Variants in FHL2 observed in about 807,000 individuals in gnomAD.
FHL2 encodes four and a half LIM domains protein 2.
A neutral mutation model predicts 32.7 loss-of-function variants in FHL2; 20 were observed. The observed-to-expected ratio is 0.61, with a 90% confidence interval of 0.43 to 0.89. The LOEUF (loss-of-function observed/expected upper bound fraction) is 0.89, where lower values mean the gene tolerates loss of function less well. Ranked by LOEUF, FHL2 falls within the 40% of genes least tolerant of loss-of-function variation. The probability of loss-of-function intolerance (pLI) is 0.00; values close to 1 mark genes in which losing one functional copy is unlikely to be tolerated. For synonymous variants in FHL2, 123 were observed against 128.1 expected (o/e 0.96, Z 0.27); for missense variants, 311 against 358.6 (o/e 0.87, Z 1.07).
chr2:105,435,643 G>A (rs558567590), intron 1 of FHL2, among the ~76,000 whole-genome samples: 87 of 152,104 alleles, frequency 5.7e-4, no homozygotes, highest in African/African-American at 1.9e-3. Context: ...CCAACATGAC[G>A]AAACACTGTC....
chr2:105,393,571 C>T (rs1253341257), intron 2 of FHL2, among the ~76,000 whole-genome samples: 2 of 152,208 alleles, frequency 1.3e-5, no homozygotes, highest in African/African-American at 4.8e-5. Context: ...TGCCCACTAC[C>T]TGTCGCTGAG....
chr2:105,425,077 G>A (rs1409327619), intron 1 of FHL2, among the ~76,000 whole-genome samples: 3 of 151,886 alleles, frequency 2.0e-5, no homozygotes, highest in Admixed American at 2.0e-4. Flanking sequence ...TGTAGAAAGG[G>A]AAGACATAAG....
chr2:105,407,710 G>A (rs1683679382), intron 1 of FHL2, among the ~76,000 whole-genome samples: 1 of 152,182 alleles, frequency 6.6e-6, no homozygotes, highest in African/African-American at 2.4e-5. Flanking sequence ...AAGTGTGCAT[G>A]TGGACGTTCT....
chr2:105,398,157 T>C (rs901590260), intron 1 of FHL2, among the ~76,000 whole-genome samples: 1 of 152,230 alleles, frequency 6.6e-6, no homozygotes, highest in Non-Finnish European at 1.5e-5. Flanking sequence ...CGGATTAGCC[T>C]ACTTCCAGTT....
At chr2:105,412,451 T>C (rs1010383795) in intron 1 of FHL2, among the ~76,000 whole-genome samples, 3 of 152,118 alleles carry the variant, frequency 2.0e-5, no homozygotes, top group Admixed American at 6.5e-5. Context: ...CAGAAGCAGT[T>C]TGGGGACAGC....
At chr2:105,411,944 G>A (rs574498894) in intron 1 of FHL2, among the ~76,000 whole-genome samples, 2 of 152,252 alleles carry the variant, frequency 1.3e-5, no homozygotes, top group African/African-American at 4.8e-5. Flanking sequence ...ATGCCACCAA[G>A]ATGAATAAAT....
intron 3 of FHL2, chr2:105,378,070 G>A (rs1424023865): frequency 4.2e-6 from 2 of 471,114 alleles, no homozygotes; most frequent in African/African-American, 4.0e-5. Flanking sequence ...CACAGCCAGT[G>A]CTCCGGTCAT....
intron 3 of FHL2, among the ~76,000 whole-genome samples, chr2:105,380,163 A>G (rs1367538062): frequency 1.3e-5 from 2 of 152,230 alleles, no homozygotes; most frequent in East Asian, 3.8e-4. Context: ...GATCTTGGCC[A>G]ACATGGTATT....
In FHL2 at chr2:105,385,489, A is replaced by G. The variant is rs115856997; in HGVS notation, c.156+872T>C. ...AAAGCAACGAGAGCAGAAAAGAGAT[A>G]GTAAAATGCCATGAACTGACTTGGT... is the stretch of plus-strand genomic sequence containing the variant. On this transcript the variant is annotated intron_variant, in intron 3 of 6. Coordinates refer to ENST00000530340, the MANE Select transcript of FHL2 (RefSeq NM_001318895.3). 2.3e-3 allele frequency among the ~76,000 whole-genome samples: 350 copies of G among 152,384 alleles called. 3 individuals are homozygous for G. The highest frequency in any genetic ancestry group is 8.2e-3 in the African/African-American group (340 of 41,594).
rs1681011547 is a variant in FHL2, at chr2:105,370,810, C to T, written c.331+2749G>A. Among the ~76,000 whole-genome samples the T allele has an allele frequency of 2.0e-5, 3 of 152,276 alleles. No individual in the cohort carries two copies. The South Asian group carries it at 6.2e-4, about 32-fold the overall frequency. On this transcript the variant is annotated intron_variant, in intron 4 of 6. Coordinates refer to ENST00000530340, the MANE Select transcript of FHL2 (RefSeq NM_001318895.3). ...GCCTTTGGTGCCCAGTCCGTTTCTTCTGGCAGAGGCACCTGTAAAATGGGG... is the reference window on the plus strand; with the variant it reads ...GCCTTTGGTGCCCAGTCCGTTTCTTTTGGCAGAGGCACCTGTAAAATGGGG...
intron 2 of FHL2, among the ~76,000 whole-genome samples, chr2:105,393,444 T>C (rs1421685669): frequency 1.3e-5 from 2 of 152,192 alleles, no homozygotes; most frequent in African/African-American, 2.4e-5. Flanking sequence ...AACCAGAGCT[T>C]TCCAGAGACA....
intron 2 of FHL2, among the ~76,000 whole-genome samples, chr2:105,389,520 G>A (rs7557817): frequency 6.6e-6 from 1 of 152,042 alleles, no homozygotes; most frequent in Non-Finnish European, 1.5e-5. Context: ...AAATAAGAAC[G>A]ATGAAAGGAC....
At chr2:105,392,974 C>T (rs985280150) in intron 2 of FHL2, among the ~76,000 whole-genome samples, 4 of 150,904 alleles carry the variant, frequency 2.7e-5, no homozygotes, top group South Asian at 2.1e-4. Context: ...CGTGCATCAC[C>T]GCACCCAGCT....
chr2:105,426,096 G>T (rs1190176857), intron 1 of FHL2, among the ~76,000 whole-genome samples: 1 of 151,788 alleles, frequency 6.6e-6, no homozygotes, highest in Non-Finnish European at 1.5e-5. Flanking sequence ...TTCCTCTTCG[G>T]CAATGTAATG....
chr2:105,413,011 C>A (rs1683841600), intron 1 of FHL2, among the ~76,000 whole-genome samples: 1 of 152,082 alleles, frequency 6.6e-6, no homozygotes, highest in Non-Finnish European at 1.5e-5. Flanking sequence ...CCAGAGAGGG[C>A]AAATAATGTA....
At chr2:105,409,880 C>T (rs766653178) in intron 1 of FHL2, among the ~76,000 whole-genome samples, 71 of 152,302 alleles carry the variant, frequency 4.7e-4, no homozygotes, top group Admixed American at 1.2e-3. Flanking sequence ...CTAGCATCTC[C>T]GCCAGGAGAG....
At chr2:105,364,965 G>C (rs565479335) in intron 5 of FHL2, among the ~76,000 whole-genome samples, 1 of 152,268 alleles carries the variant, frequency 6.6e-6, no homozygotes, top group Admixed American at 6.5e-5. Flanking sequence ...CTGCACAAGA[G>C]AATGAACACC....
intron 1 of FHL2, among the ~76,000 whole-genome samples, chr2:105,417,917 C>A (rs1368523426): frequency 6.6e-6 from 1 of 152,002 alleles, no homozygotes; most frequent in Non-Finnish European, 1.5e-5. Flanking sequence ...AGTCTTCCCA[C>A]CACAACTTTT....
At chr2:105,387,298 T>A (rs1682395866) in intron 2 of FHL2, among the ~76,000 whole-genome samples, 1 of 152,034 alleles carries the variant, frequency 6.6e-6, no homozygotes, top group Non-Finnish European at 1.5e-5. Context: ...ATGATTTGAA[T>A]AGGAAGAAAT....
Sources: gnomAD v4.1 joint callset for allele counts (sites outside exome capture counted in the v4.1 genomes callset) on GRCh38, gnomAD v4.1.1 for gene constraint, MANE v1.5 for transcripts, NCBI Gene and HGNC (gene_info 2026-07-23, HGNC 2026-07-21) for gene names.